Variants in MPND observed in about 807,000 individuals in gnomAD.
The protein encoded by MPND is MPN domain-containing protein.
Under a neutral mutation model 59.2 loss-of-function variants are expected in MPND, and 56 were observed. The ratio of observed to expected loss-of-function variants is 0.95; its 90% CI spans 0.76 to 1.18. The LOEUF (loss-of-function observed/expected upper bound fraction) is 1.18. MPND is among the 50% of genes most tolerant of loss of function. The probability of loss-of-function intolerance (pLI) is 0.00; values close to 1 mark genes in which losing one functional copy is unlikely to be tolerated. For synonymous variants in MPND, 323 were observed against 291.9 expected, an observed-to-expected ratio of 1.11 and a Z score of -1.09; for missense variants, 671 against 676.0, an observed-to-expected ratio of 0.99 and a Z score of 0.08.
In MPND at chr19:4,344,014, C is replaced by T; in HGVS notation, c.294+20C>T. 7.7e-7 allele frequency: 1 copy of T among 1,301,016 alleles called. No homozygotes were observed. Among genetic ancestry groups the T allele is most frequent in the South Asian group, 2.2e-5 (1 of 45,408 alleles). The allele number at this position is 1,301,016 out of a possible 1,614,324, so 80.6% of individuals were successfully genotyped here. On this transcript the variant is annotated intron_variant, in intron 2 of 12. Coordinates refer to ENST00000599840, the MANE Select transcript of MPND (RefSeq NM_001300862.2). ...TACCTGGTGAGCACCCCGCCTCCCT[C>T]GTCCCATCGCGGCTCGGGCAGGAAG...
Position 4,343,764 on chromosome 19 carries a change from G to T in MPND, c.64G>T (p.Glu22Ter). Residue 22 changes from glutamate to a stop codon, truncating the protein, a stop_gained, in exon 2 of 13, where the codon GAG (glutamate) becomes TAG (stop). Transcript: ENST00000599840. LOFTEE classifies it high-confidence loss of function. Reference sequence around the variant, plus strand: ...GGGCGAGGAGGCGCCGGAGGAGGACGAGGACGAAGCGGAGGCCGAGGACCC... The same window carrying T: ...GGGCGAGGAGGCGCCGGAGGAGGACTAGGACGAAGCGGAGGCCGAGGACCC... Reference protein sequence around the residue: ...GAGEEAPEEDEDEAEAEDPER... With the variant: ...GAGEEAPEED 1.7e-6 allele frequency: 2 copies of T among 1,209,562 alleles called. No individual in the cohort carries two copies. The highest frequency in any genetic ancestry group is 3.4e-5 in the East Asian group (1 of 29,106). 74.9% of individuals were successfully genotyped at this position (1,209,562 alleles called of 1,614,324 possible).
chr19:4,359,677 G>T (rs1246257359), intron 12 of MPND, among the ~76,000 whole-genome samples: 1 of 152,184 alleles, frequency 6.6e-6, no homozygotes. Flanking sequence ...AGTGGGGGCA[G>T]GATCGGGAGT....
At chr19:4,349,080 G>A (rs1972254828) in intron 3 of MPND, 1 of 194,498 alleles carries the variant, frequency 5.1e-6, no homozygotes, top group Non-Finnish European at 1.1e-5. Context: ...ATATAATTCT[G>A]TTTTTGAGAT....
intron 1 of MPND, 29 bp downstream of exon 1, chr19:4,343,629 C>CTGGGCGCGGGGCTGCA (rs1972116091): frequency 7.6e-6 from 9 of 1,188,512 alleles, no homozygotes; most frequent in Non-Finnish European, 9.4e-6. Context: ...GGCGGAGGCG[C>CTGGGCGCGGGGCTGCA]GGGGCGCGGG....
At chr19:4,351,861 C>CAAAATAA (rs1972325436) in intron 3 of MPND, among the ~76,000 whole-genome samples, 1 of 51,392 alleles carries the variant, frequency 1.9e-5, no homozygotes, top group African/African-American at 8.5e-5. Flanking sequence ...GACTCTGTCT[C>CAAAATAA]AAAAAAAAAA....
chr19:4,353,752 G>A (rs990274817), intron 4 of MPND: 7 of 324,816 alleles, frequency 2.2e-5, no homozygotes, highest in Admixed American at 1.8e-4. Flanking sequence ...TTTCAGAGAC[G>A]AGATCTCATC....
chr19:4,353,285 G>A (rs1972362744), intron 4 of MPND, among the ~76,000 whole-genome samples: 1 of 151,784 alleles, frequency 6.6e-6, no homozygotes, highest in Admixed American at 6.6e-5. Context: ...TTTATTTTTT[G>A]GTGATGGAGT....
At chr19:4,352,600 C>G (rs1296459906) in intron 3 of MPND, among the ~76,000 whole-genome samples, 4 of 152,200 alleles carry the variant, frequency 2.6e-5, no homozygotes, top group African/African-American at 9.7e-5. Context: ...AGGAGAGTCA[C>G]TTGAACCCAG....
chr19:4,346,276 G>A (rs540534016), intron 3 of MPND, among the ~76,000 whole-genome samples: 2 of 152,144 alleles, frequency 1.3e-5, no homozygotes, highest in Non-Finnish European at 2.9e-5. Context: ...AAGACCTGCT[G>A]GTGTCATGGG....
At position 4,345,763 on chromosome 19, in the gene MPND, G is replaced by T. The variant is rs747283158; in HGVS notation, c.313G>T (p.Asp105Tyr). ...ACTGCAGGGGAAGAAGTTCCTGGGCGACCTGCAGCCAGACGGAAGGATCAT... is the reference window on the plus strand; with the variant it reads ...ACTGCAGGGGAAGAAGTTCCTGGGCTACCTGCAGCCAGACGGAAGGATCAT... ...IYYLGKKFLG[D>Y]LQPDGRIMWQ... Residue 105 changes from aspartate to tyrosine, a missense_variant, in exon 3 of 13, where the codon GAC becomes TAC. Asp to Tyr is a radical substitution (Grantham distance 160, BLOSUM62 -3). Transcript: ENST00000599840. 2 of 1,613,726 alleles carry T rather than the reference G, an allele frequency of 1.2e-6. No homozygotes were observed. The highest frequency in any genetic ancestry group is 2.2e-5 in the South Asian group (2 of 91,074).
At chr19:4,357,128 T>C in intron 8 of MPND, 125 bp from the exon 9 acceptor site, 8 of 1,046,164 alleles carry the variant, frequency 7.6e-6, no homozygotes, top group Non-Finnish European at 1.0e-5. Context: ...GCAGGGCCTG[T>C]CTTGGTCATC....
intron 10 of MPND, 170 bp from the exon 11 acceptor site, chr19:4,357,912 AG>A (rs1481679920): frequency 1.6e-6 from 1 of 624,940 alleles, no homozygotes; most frequent in African/African-American, 1.8e-5. Context: ...CCTCTCCCAC[AG>A]TAAGGATGCT....
chr19:4,349,904 C>T (rs1449018757), intron 3 of MPND, among the ~76,000 whole-genome samples: 2 of 152,222 alleles, frequency 1.3e-5, no homozygotes, highest in Non-Finnish European at 2.9e-5. Context: ...ATCAGTGTTC[C>T]ATTAAATTAC....
chr19:4,352,953 C>A lies in MPND; in HGVS notation c.588C>A (p.Asp196Glu), dbSNP rs769500746. 1.2e-5 allele frequency: 17 copies of A among 1,404,742 alleles called. No homozygotes were observed. The highest frequency in any genetic ancestry group is 9.3e-7 in the Non-Finnish European group (1 of 1,070,160). The allele number at this position is 1,404,742 out of a possible 1,614,324, so 87.0% of individuals were successfully genotyped here. ...TGCTGATGGAAGAGGAGGAGGAGGA[C>A]GTTCTGGCAGGGGTCTCAGCAGAGG... ...EELLMEEEEE[D>E]VLAGVSAEDK... Residue 196 changes from aspartate to glutamate, a missense_variant, in exon 4 of 13, where the codon GAC becomes GAA. Physicochemically the swap from Asp to Glu is conservative, Grantham distance 45 (BLOSUM62 2). Transcript: ENST00000599840.
rs999805526 is a variant in MPND at position 4,349,890 on chromosome 19, C to T, written c.532-3007C>T. Among the ~76,000 whole-genome samples, 4 of 152,198 alleles carry T rather than the reference C, an allele frequency of 2.6e-5. No homozygotes were observed. In the East Asian group the frequency reaches 7.7e-4, roughly 29 times the overall value. On this transcript the variant is annotated intron_variant, in intron 3 of 12. Transcript: ENST00000599840. ...GTAACAAATGCCATCGCAGTAATGC[C>T]TAGATCAGTGTTCCATTAAATTACC... is the stretch of plus-strand genomic sequence containing the variant.
rs1312930899 is a variant in MPND, at chr19:4,343,839, A to G, written c.139A>G (p.Ser47Gly). Reference protein sequence around the residue: ...AGGGRSGGGGSSVSGGGGGGG... With the variant: ...AGGGRSGGGGGSVSGGGGGGG... ...CGGTGGACGCAGTGGCGGCGGCGGC[A>G]GTAGCGTCAGCGGAGGAGGCGGCGG... Residue 47 changes from serine (S) to glycine (G), a missense_variant, in exon 2 of 13, where the codon AGT becomes GGT. Physicochemically the swap from Ser to Gly is moderately conservative, Grantham distance 56 (BLOSUM62 0). Transcript: ENST00000599840. The G allele has an allele frequency of 2.5e-6, 3 of 1,182,482 alleles. No individual in the cohort carries two copies. Among genetic ancestry groups the G allele is most frequent in the Non-Finnish European group, 3.1e-6 (3 of 957,394 alleles). The allele number at this position is 1,182,482 out of a possible 1,614,324, so 73.2% of individuals were successfully genotyped here. A position where few individuals can be genotyped will look rare whatever the true frequency, so the allele number is the denominator to read the frequency against.
Position 4,346,375 on chromosome 19 carries a change from C to T in MPND, c.531+394C>T, listed in dbSNP as rs1450152017. Among the ~76,000 whole-genome samples, 5 of 152,068 alleles carry T rather than the reference C, an allele frequency of 3.3e-5. No homozygotes were observed. The East Asian group carries it at 9.6e-4, about 29-fold the overall frequency. On this transcript the variant is annotated intron_variant, in intron 3 of 12. Transcript: ENST00000599840. ...TGATAATAGATGTTCCCTGAGTGTTCACCAGCCGGGTGAACTTGACCAAGG... is the reference window on the plus strand; with the variant it reads ...TGATAATAGATGTTCCCTGAGTGTTTACCAGCCGGGTGAACTTGACCAAGG...
intron 2 of MPND, among the ~76,000 whole-genome samples, chr19:4,344,984 C>T (rs1206754381): frequency 4.7e-5 from 7 of 147,408 alleles, no homozygotes; most frequent in East Asian, 2.0e-4. Context: ...CCTCGTGGTC[C>T]GCCTGCCTCA....
At chr19:4,357,779 C>T in intron 10 of MPND, 194 bp downstream of exon 10, 2 of 628,468 alleles carry the variant, frequency 3.2e-6, no homozygotes, top group Non-Finnish European at 5.5e-6. Flanking sequence ...TCCGTTGTGT[C>T]ATTGGCTGCT....
Sources: gnomAD v4.1 joint callset for allele counts (sites outside exome capture counted in the v4.1 genomes callset) on GRCh38, gnomAD v4.1.1 for gene constraint, MANE v1.5 for transcripts, NCBI Gene and HGNC (gene_info 2026-07-23, HGNC 2026-07-21) for gene names.